The following TASP1 variants were observed in gnomAD, a reference collection of about 807,000 sequenced individuals.
TASP1 encodes the protein threonine aspartase 1.
Under a neutral mutation model 56.6 loss-of-function variants are expected in TASP1, and 16 were observed. The ratio of observed to expected loss-of-function variants is 0.28; its 90% CI spans 0.19 to 0.43. TASP1 has a LOEUF of 0.43. Among genes scored for constraint, TASP1 ranks in the 20% least tolerant of loss-of-function variants. The probability of loss-of-function intolerance (pLI) is 1.00; values close to 1 mark genes in which losing one functional copy is unlikely to be tolerated. For missense variants in TASP1, 393 were observed against 511.6 expected (o/e 0.77, Z 2.24); for synonymous variants, 179 against 184.2 (o/e 0.97, Z 0.23).
the TASP1 span, among the ~76,000 whole-genome samples, chr20:13,200,220 G>T: frequency 3.3e-5 from 5 of 152,168 alleles, no homozygotes; most frequent in Non-Finnish European, 5.9e-5. Flanking sequence ...ATGTGAAATT[G>T]TCAATGCCAA....
At chr20:13,305,457 G>A in the TASP1 span, among the ~76,000 whole-genome samples, 1 of 152,168 alleles carries the variant, frequency 6.6e-6, no homozygotes, top group East Asian at 1.9e-4. Context: ...AAGCTTCCCA[G>A]GAAGTGTTGT....
At chr20:13,285,457 G>A in the TASP1 span, among the ~76,000 whole-genome samples, 2 of 152,212 alleles carry the variant, frequency 1.3e-5, no homozygotes, top group Non-Finnish European at 2.9e-5. Context: ...CACAATGAGG[G>A]GTGCCCAGCT....
chr20:13,614,100 T>C (rs1349317256), intron 4 of TASP1, among the ~76,000 whole-genome samples: 1 of 152,174 alleles, frequency 6.6e-6, no homozygotes, highest in Non-Finnish European at 1.5e-5. Context: ...CTGAGGAAAT[T>C]ACTCAACTTA....
At chr20:13,241,671 G>T in the TASP1 span, among the ~76,000 whole-genome samples, 2 of 152,286 alleles carry the variant, frequency 1.3e-5, no homozygotes, top group Non-Finnish European at 2.9e-5. Flanking sequence ...CGTTTGAGGA[G>T]AGAAGATATA....
chr20:13,603,245 A>G (rs1287540080), intron 4 of TASP1, among the ~76,000 whole-genome samples: 1 of 152,042 alleles, frequency 6.6e-6, no homozygotes, highest in African/African-American at 2.4e-5. Context: ...AAAAAAGAAA[A>G]AAGAAAAATG....
At chr20:13,311,593 G>T in the TASP1 span, among the ~76,000 whole-genome samples, 1 of 152,310 alleles carries the variant, frequency 6.6e-6, no homozygotes, top group Non-Finnish European at 1.5e-5. Context: ...ATTATGAGAT[G>T]CTAGTCAGCT....
chr20:13,562,915 A>ATG (rs199844282), intron 7 of TASP1, among the ~76,000 whole-genome samples: 2,210 of 128,646 alleles, frequency 0.017, 45 homozygotes, highest in African/African-American at 0.043. Context: ...ACATATATAT[A>ATG]TGTGTGTGTG....
At chr20:13,384,415 T>C (rs560113457), downstream of TASP1, among the ~76,000 whole-genome samples, 1 of 152,202 alleles carries the variant, frequency 6.6e-6, no homozygotes, top group Non-Finnish European at 1.5e-5. Flanking sequence ...TTCTGGAAGC[T>C]GAGTGTGCCG....
chr20:13,344,667 T>C, the TASP1 span, among the ~76,000 whole-genome samples: 1 of 152,192 alleles, frequency 6.6e-6, no homozygotes, highest in African/African-American at 2.4e-5. Context: ...GGGGTCAATA[T>C]GAAGCGTGAG....
the TASP1 span, among the ~76,000 whole-genome samples, chr20:13,124,073 G>C: frequency 1.3e-5 from 2 of 152,212 alleles, no homozygotes; most frequent in Non-Finnish European, 2.9e-5. Flanking sequence ...GATGAATTCA[G>C]TCAGGCCAGC....
intron 11 of TASP1, among the ~76,000 whole-genome samples, chr20:13,442,293 G>GACACAC (rs35295009): frequency 1.4e-4 from 21 of 147,768 alleles, no homozygotes; most frequent in African/African-American, 4.0e-4. Context: ...CACAGACACA[G>GACACAC]ACACACACAC....
intron 7 of TASP1, among the ~76,000 whole-genome samples, chr20:13,563,593 C>G (rs1464548914): frequency 6.6e-6 from 1 of 150,948 alleles, no homozygotes; most frequent in Non-Finnish European, 1.5e-5. Flanking sequence ...TCCTAAGAAG[C>G]AAAGGTCGTT....
rs1472316158 is a variant in TASP1 at position 13,512,176 on chromosome 20, G to A, written c.874+16257C>T. ...TCTAGTTCTAGATCCCTGAGGAATCGCCACACTGTCTTCCACAATGGTTGA... is the reference window on the plus strand; with the variant it reads ...TCTAGTTCTAGATCCCTGAGGAATCACCACACTGTCTTCCACAATGGTTGA... On this transcript the variant is annotated intron_variant, in intron 10 of 13. Transcript: ENST00000337743. 4.6e-5 allele frequency among the ~76,000 whole-genome samples: 7 copies of A among 152,184 alleles called. No individual in the cohort carries two copies. In the East Asian group the frequency reaches 5.8e-4, roughly 13 times the overall value.
At chr20:13,608,003 T>G (rs1023387862) in intron 4 of TASP1, among the ~76,000 whole-genome samples, 1 of 152,196 alleles carries the variant, frequency 6.6e-6, no homozygotes, top group Non-Finnish European at 1.5e-5. Flanking sequence ...TTTTAATTAC[T>G]AACTTCATTG....
chr20:13,218,667 G>A, the TASP1 span, among the ~76,000 whole-genome samples: 1 of 152,158 alleles, frequency 6.6e-6, no homozygotes, highest in African/African-American at 2.4e-5. Flanking sequence ...AAACTTAATT[G>A]GTTTAGTCTA....
the TASP1 span, among the ~76,000 whole-genome samples, chr20:13,210,030 C>T: frequency 6.6e-6 from 1 of 152,136 alleles, no homozygotes; most frequent in Non-Finnish European, 1.5e-5. Flanking sequence ...AGCAATATGC[C>T]GAACTCTCAT....
chr20:13,187,472 G>A, the TASP1 span, among the ~76,000 whole-genome samples: 1,915 of 151,756 alleles, frequency 0.013, 39 homozygotes, highest in African/African-American at 0.044. Flanking sequence ...AAAGAAGGCC[G>A]GGCGCAGTGG....
chr20:13,633,797 A>C (rs140662774), intron 1 of TASP1, among the ~76,000 whole-genome samples: 5 of 152,274 alleles, frequency 3.3e-5, no homozygotes, highest in Non-Finnish European at 5.9e-5. Flanking sequence ...TTTCCAATGA[A>C]AGGAGAAACA....
At chr20:13,525,294 A>C (rs564766323) in intron 10 of TASP1, among the ~76,000 whole-genome samples, 2 of 152,284 alleles carry the variant, frequency 1.3e-5, no homozygotes, top group South Asian at 4.1e-4. Flanking sequence ...CCCCTTGCCC[A>C]GGCTCCACAG....
Sources: gnomAD v4.1 joint callset for allele counts (sites outside exome capture counted in the v4.1 genomes callset) on GRCh38, gnomAD v4.1.1 for gene constraint, MANE v1.5 for transcripts, NCBI Gene and HGNC (gene_info 2026-07-23, HGNC 2026-07-21) for gene names.